Variants in CAMKMT observed in about 807,000 individuals in gnomAD.
CAMKMT encodes CaM KMT.
Under a neutral mutation model 48.0 loss-of-function variants are expected in CAMKMT, and 53 were observed. That is an observed-to-expected ratio of 1.10 (90% CI 0.89 to 1.39). CAMKMT has a LOEUF of 1.39. CAMKMT is among the 40% of genes most tolerant of loss of function. The probability of loss-of-function intolerance (pLI) is 0.00; values close to 1 mark genes in which losing one functional copy is unlikely to be tolerated. For synonymous variants in CAMKMT, 165 were observed against 152.3 expected (o/e 1.08, Z -0.61); for missense variants, 428 against 402.7 (o/e 1.06, Z -0.54).
intron 3 of CAMKMT, among the ~76,000 whole-genome samples, chr2:44,681,750 C>T (rs1271397564): frequency 1.3e-5 from 2 of 152,066 alleles, no homozygotes; most frequent in Non-Finnish European, 2.9e-5. Flanking sequence ...TGTGCAAAGT[C>T]TTGATGATTT....
chr2:44,620,476 T>G (rs1672118406), intron 3 of CAMKMT, among the ~76,000 whole-genome samples: 1 of 152,232 alleles, frequency 6.6e-6, no homozygotes, highest in Non-Finnish European at 1.5e-5. Flanking sequence ...GCATAACTGT[T>G]GATGGCACCA....
At chr2:44,512,164 A>T (rs1670597004) in intron 3 of CAMKMT, among the ~76,000 whole-genome samples, 4 of 152,182 alleles carry the variant, frequency 2.6e-5, no homozygotes. Flanking sequence ...TTGCAGGACA[A>T]TATTAGCTGA....
At chr2:44,447,338 C>T (rs1251594448) in intron 3 of CAMKMT, among the ~76,000 whole-genome samples, 4 of 152,134 alleles carry the variant, frequency 2.6e-5, no homozygotes, top group Admixed American at 6.5e-5. Context: ...TATAATATCC[C>T]TAAAGGTAAG....
chr2:44,630,418 C>A (rs1672745735), intron 3 of CAMKMT, among the ~76,000 whole-genome samples: 1 of 150,726 alleles, frequency 6.6e-6, no homozygotes, highest in Admixed American at 6.6e-5. Flanking sequence ...AACTAAAGAG[C>A]TTCTGCACAG....
chr2:44,747,255 G>C (rs1679959804), intron 8 of CAMKMT, among the ~76,000 whole-genome samples: 1 of 152,078 alleles, frequency 6.6e-6, no homozygotes, highest in African/African-American at 2.4e-5. Flanking sequence ...TCTAAATGAT[G>C]AAAAATGTTT....
Position 44,540,027 on chromosome 2 carries a change from T to C in CAMKMT, c.376+149722T>C, listed in dbSNP as rs545915141. Among the ~76,000 whole-genome samples the C allele has an allele frequency of 1.4e-3, 220 of 152,252 alleles. 1 individual carries two copies. The highest frequency in any genetic ancestry group is 2.9e-5 in the Non-Finnish European group (2 of 68,014). ...CCTCATTAAACTTTCAGTTTTAGCA[T>C]ACATTGACAAATAATCATGCCCAAA... On this transcript the variant is annotated intron_variant, in intron 3 of 10. Transcript: ENST00000378494.
intron 3 of CAMKMT, among the ~76,000 whole-genome samples, chr2:44,488,395 T>C (rs1344301735): frequency 6.6e-6 from 1 of 152,070 alleles, no homozygotes; most frequent in Non-Finnish European, 1.5e-5. Context: ...TCCCAGCTAT[T>C]TGGGAGGCTG....
intron 3 of CAMKMT, among the ~76,000 whole-genome samples, chr2:44,527,794 C>T (rs531715380): frequency 2.2e-5 from 3 of 137,388 alleles, no homozygotes; most frequent in Non-Finnish European, 3.2e-5. Context: ...AGCCCCCCCC[C>T]CCATTATCAA....
At chr2:44,742,897 T>C (rs1326197393) in intron 7 of CAMKMT, among the ~76,000 whole-genome samples, 2 of 152,220 alleles carry the variant, frequency 1.3e-5, no homozygotes, top group Non-Finnish European at 2.9e-5. Context: ...AATCACAGTT[T>C]TGGTGCTGTG....
intron 3 of CAMKMT, 149 bp downstream of exon 3, chr2:44,390,454 C>A: frequency 4.6e-5 from 17 of 368,418 alleles, no homozygotes; most frequent in East Asian, 1.4e-4. Flanking sequence ...TCTTTAGCTG[C>A]AAAATAAGCC....
chr2:44,379,877 C>A (rs1680067795), intron 2 of CAMKMT, among the ~76,000 whole-genome samples: 1 of 151,600 alleles, frequency 6.6e-6, no homozygotes, highest in Non-Finnish European at 1.5e-5. Context: ...GGATATTAGA[C>A]CCTATCATAC....
At chr2:44,616,683 G>A (rs1463448196) in intron 3 of CAMKMT, among the ~76,000 whole-genome samples, 1 of 152,098 alleles carries the variant, frequency 6.6e-6, no homozygotes, top group Non-Finnish European at 1.5e-5. Flanking sequence ...GGGTTCAACT[G>A]ACATGGGGAA....
intron 3 of CAMKMT, among the ~76,000 whole-genome samples, chr2:44,596,714 T>G (rs113319798): frequency 0.016 from 2,430 of 152,292 alleles, 28 homozygotes; most frequent in South Asian, 0.036. Context: ...AACTTTGAAT[T>G]GTGCTTGCAT....
chr2:44,467,332 G>T (rs981229128), intron 3 of CAMKMT, among the ~76,000 whole-genome samples: 13 of 151,944 alleles, frequency 8.6e-5, no homozygotes, highest in African/African-American at 2.7e-4. Flanking sequence ...AGGAGTTCGA[G>T]ACCAGCCTGG....
At chr2:44,489,941 T>A (rs534279925) in intron 3 of CAMKMT, among the ~76,000 whole-genome samples, 1 of 152,238 alleles carries the variant, frequency 6.6e-6, no homozygotes, top group South Asian at 2.1e-4. Context: ...AATATACCCA[T>A]GTAATAAACC....
chr2:44,669,632 G>GT (rs930224220), intron 3 of CAMKMT, among the ~76,000 whole-genome samples: 38 of 149,364 alleles, frequency 2.5e-4, no homozygotes, highest in East Asian at 5.8e-4. Flanking sequence ...TCTCATTATG[G>GT]TTTTTTTTTT....
intron 3 of CAMKMT, among the ~76,000 whole-genome samples, chr2:44,442,468 C>T (rs1289908970): frequency 2.0e-5 from 3 of 152,184 alleles, no homozygotes. Flanking sequence ...TGTAGTCCTT[C>T]ACAGAACAGA....
At chr2:44,387,128 A>G (rs1001588027) in intron 2 of CAMKMT, among the ~76,000 whole-genome samples, 2 of 152,096 alleles carry the variant, frequency 1.3e-5, no homozygotes, top group African/African-American at 4.8e-5. Context: ...GAAGTCCTCT[A>G]CTATTATTGT....
chr2:44,412,827 G>A (rs1683301207), intron 3 of CAMKMT, among the ~76,000 whole-genome samples: 1 of 152,016 alleles, frequency 6.6e-6, no homozygotes, highest in Non-Finnish European at 1.5e-5. Flanking sequence ...TGTAATCCCA[G>A]CACTTTGGGA....
Sources: allele counts gnomAD v4.1 joint callset (sites outside exome capture counted in the v4.1 genomes callset), GRCh38; gene constraint gnomAD v4.1.1; transcripts MANE v1.5; gene names NCBI Gene and HGNC (gene_info 2026-07-23, HGNC 2026-07-21).